APC2: variants seen among roughly 807,000 people sequenced by gnomAD.
APC2 encodes adenomatous polyposis coli protein 2.
In APC2, 41 loss-of-function variants were observed where a neutral mutation model predicts 72.5. The observed-to-expected ratio is 0.57, with a 90% CI of 0.44 to 0.73. The LOEUF is 0.73. APC2 is among the 30% of genes least tolerant of loss of function. The probability of loss-of-function intolerance (pLI) is 0.00; values close to 1 mark genes in which losing one functional copy is unlikely to be tolerated. For synonymous variants in APC2, 1,898 were observed against 1,612.0 expected (o/e 1.18, Z -4.25); for missense variants, 3,729 against 3,403.4 (o/e 1.10, Z -2.38).
intron 1 of APC2, 146 bp downstream of exon 1, chr19:1,450,484 G>C (rs2083730606): frequency 1.5e-6 from 1 of 661,460 alleles, no homozygotes; most frequent in Non-Finnish European, 1.9e-6. Context: ...CTGAGTCCCG[G>C]TGAGCTGGGC....
upstream of APC2, among the ~76,000 whole-genome samples, chr19:1,446,929 G>C (rs1599123430): frequency 2.0e-5 from 3 of 152,350 alleles, no homozygotes; most frequent in Admixed American, 2.0e-4. The surrounding 1 kb of genome is among the most constrained non-coding windows in gnomAD (Gnocchi z 6.1). Context: ...AGGCTGGGGG[G>C]TGCAGCGGGG....
chr19:1,463,214 C>G (rs2083955035), intron 14 of APC2, among the ~76,000 whole-genome samples: 1 of 151,772 alleles, frequency 6.6e-6, no homozygotes. Context: ...GTCAGGAGAT[C>G]CAGACCATCC....
In APC2 at chr19:1,452,857, C is replaced by A; in HGVS notation, c.-18-127C>A. The A allele has an allele frequency of 1.6e-6, 2 of 1,216,166 alleles. No individual in the cohort carries two copies. The highest frequency in any genetic ancestry group is 2.2e-6 in the Non-Finnish European group (2 of 892,834). The allele number at this position is 1,216,166 out of a possible 1,614,324, so 75.3% of individuals were successfully genotyped here. On this transcript the variant is annotated intron_variant, in intron 1 of 14. Coordinates refer to ENST00000590469, the MANE Select transcript of APC2 (RefSeq NM_005883.3). The surrounding 1 kb of genome is among the most constrained non-coding windows in gnomAD (Gnocchi z 5.1). Reference sequence around the variant, plus strand: ...TACTTGTCCACACCAGTGACTCCTGCCTGAGACCCCCCCCAACCCAGGATC... The same window carrying A: ...TACTTGTCCACACCAGTGACTCCTGACTGAGACCCCCCCCAACCCAGGATC...
In APC2 at chr19:1,472,081, T is replaced by G. The variant is rs2084143950; in HGVS notation, c.*1868T>G. 1 of 152,416 alleles carries G rather than the reference T, an allele frequency of 6.6e-6. No homozygotes were observed. The highest frequency in any genetic ancestry group is 1.5e-5 in the Non-Finnish European group (1 of 68,240). The allele number at this position is 152,416 out of a possible 1,614,324, so 9.4% of individuals were successfully genotyped here. ...GGGGGAAGAGGGGGTCATGGATGGC[T>G]GAGCAGAGAGCGGGGAAAATGCAGG... On this transcript the variant is annotated 3_prime_UTR_variant, in exon 15 of 15. Transcript: ENST00000590469.
Position 1,465,338 on chromosome 19 carries a change from G to A in APC2, c.2037G>A (p.Lys679=). The part of the protein sequence containing the change: ...VGMLRNLVHS[K]HKMIAMGSAA... ...TGCTGCGTAATCTGGTGCACTCCAA[G>A]CACAAGATGATCGCCATGGGCAGCG... The change falls in exon 15 of 15, where the codon AAG becomes AAA. Residue 679 remains lysine (K), a synonymous_variant. Coordinates refer to ENST00000590469, the MANE Select transcript of APC2 (RefSeq NM_005883.3). The A allele has an allele frequency of 1.3e-6, 2 of 1,590,892 alleles. No individual in the cohort carries two copies. The highest frequency in any genetic ancestry group is 1.7e-6 in the Non-Finnish European group (2 of 1,174,966).
chr19:1,446,797 C>A (rs2083691826), upstream of APC2, among the ~76,000 whole-genome samples: 1 of 152,090 alleles, frequency 6.6e-6, no homozygotes, highest in African/African-American at 2.4e-5. This position sits in a 1 kb window ranked among gnomAD's most constrained non-coding sequence, Gnocchi z 6.1. Flanking sequence ...GAGCGTATGG[C>A]CTGCTTTGAC....
Position 1,472,885 on chromosome 19 carries a change from G to GC in APC2, c.*2672_*2673insC. 6.6e-6 allele frequency: 1 copy of GC among 152,448 alleles called. No individual in the cohort carries two copies. The highest frequency in any genetic ancestry group is 1.5e-5 in the Non-Finnish European group (1 of 68,108). 9.4% of individuals were successfully genotyped at this position (152,448 alleles called of 1,614,324 possible). A position where few individuals can be genotyped will look rare whatever the true frequency, so the allele number is the denominator to read the frequency against. On this transcript the variant is annotated 3_prime_UTR_variant, in exon 15 of 15. Coordinates refer to ENST00000590469, the MANE Select transcript of APC2 (RefSeq NM_005883.3). ...GTCTGAGGACGCAGGGAGGGTGGAG[G>GC]TGTCCTGAGGCTGATGGACAGTGAC... is the stretch of plus-strand genomic sequence containing the variant.
chr19:1,464,037 G>C (rs2083967321), intron 14 of APC2, among the ~76,000 whole-genome samples: 1 of 152,042 alleles, frequency 6.6e-6, no homozygotes, highest in Non-Finnish European at 1.5e-5. Flanking sequence ...TAGCCAGTGG[G>C]GTGGTGGACG....
At position 1,460,790 on chromosome 19, in the gene APC2, G is replaced by C. The variant is rs748044150; in HGVS notation, c.1454G>C (p.Cys485Ser). Residue 485 changes from cysteine to serine, a missense_variant, in exon 12 of 15, where the codon TGT becomes TCT. Cys to Ser is a moderately radical substitution (Grantham distance 112). Coordinates refer to ENST00000590469, the MANE Select transcript of APC2 (RefSeq NM_005883.3). ...FGDVANKATL[C>S]ARRGCMEAIV... ...CATAACCCCCAACAGGCCACCCTGT[G>C]TGCGCGCCGCGGCTGCATGGAGGCC... 1.2e-6 allele frequency: 2 copies of C among 1,613,086 alleles called. No homozygotes were observed. Among genetic ancestry groups the C allele is most frequent in the South Asian group, 1.1e-5 (1 of 91,064 alleles).
At chr19:1,458,182 A>AGGGACAGACTCCCTGGAGTCACATAG in intron 10 of APC2, 122 bp downstream of exon 10, 1 of 867,154 alleles carries the variant, frequency 1.2e-6, no homozygotes, top group Non-Finnish European at 1.8e-6. Context: ...GAGCCCGGAG[A>AGGGACAGACTCCCTGGAGTCACATAG]GGGACAGACT....
intron 9 of APC2, chr19:1,457,623 A>G (rs1389375278): frequency 4.0e-6 from 2 of 496,280 alleles, no homozygotes; most frequent in African/African-American, 2.0e-5. Context: ...GCTTGAGCCC[A>G]GGAATTTGGG....
chr19:1,466,385 G>A lies in APC2; in HGVS notation c.3084G>A (p.Gln1028=). 2 of 1,590,700 alleles carry A rather than the reference G, an allele frequency of 1.3e-6. No homozygotes were observed. Among genetic ancestry groups the A allele is most frequent in the Admixed American group, 1.7e-5 (1 of 59,318 alleles). ...GAATCTCTCCAGGGGCCCGGAAGCA[G>A]GCCTGGCTGCCGGCAGACCACCTGA... ...GPGISPGARK[Q]AWLPADHLSK... Residue 1028 remains glutamine (Q), a synonymous_variant, in exon 15 of 15, where the codon CAG becomes CAA. Coordinates refer to ENST00000590469, the MANE Select transcript of APC2 (RefSeq NM_005883.3).
chr19:1,455,946 C>A (rs1599136143), intron 6 of APC2, 130 bp from the exon 7 acceptor site: 2 of 949,934 alleles, frequency 2.1e-6, no homozygotes, highest in Non-Finnish European at 1.6e-6. Flanking sequence ...GAGGTAGGGT[C>A]AGGGCCTGGG....
At chr19:1,460,137 C>T in intron 10 of APC2, 44 bp from the exon 11 acceptor site, 1 of 1,611,034 alleles carries the variant, frequency 6.2e-7, no homozygotes, top group Non-Finnish European at 8.5e-7. Context: ...GGGCAGCAGG[C>T]AGGGTCATCC....
chr19:1,456,875 TGTC>T lies in APC2; in HGVS notation c.840_842del (p.Leu280_Ser281delinsPhe). 6.3e-7 allele frequency: 1 copy of T among 1,595,620 alleles called. No homozygotes were observed. Among genetic ancestry groups the T allele is most frequent in the Non-Finnish European group, 8.5e-7 (1 of 1,176,700 alleles). The stretch of plus-strand genomic sequence containing the variant: ...CAGGTGGAGGTGGTCTTCTGGCTGT[TGTC>T]CATGTTGGCGACGCGCGACCAGGAG... On this transcript the variant is annotated inframe_deletion, in exon 9 of 15. Coordinates refer to ENST00000590469, the MANE Select transcript of APC2 (RefSeq NM_005883.3).
chr19:1,460,355 TCATC>T (rs749752536), intron 11 of APC2, 35 bp downstream of exon 11: 5 of 1,612,356 alleles, frequency 3.1e-6, no homozygotes, highest in South Asian at 1.1e-5. Context: ...GGCACTTTCC[TCATC>T]CAGTCTTCCA....
intron 10 of APC2, 61 bp from the exon 11 acceptor site, chr19:1,460,120 G>A (rs1430815718): frequency 1.7e-5 from 28 of 1,605,572 alleles, no homozygotes; most frequent in Non-Finnish European, 2.3e-5. Context: ...GAGTGAGGTG[G>A]GGCGCTGGGC....
chr19:1,465,899 C>G lies in APC2; in HGVS notation c.2598C>G (p.Thr866=), dbSNP rs1009756702. 3 of 1,577,362 alleles carry G rather than the reference C, an allele frequency of 1.9e-6. No individual in the cohort carries two copies. Among genetic ancestry groups the G allele is most frequent in the African/African-American group, 2.7e-5 (2 of 72,898 alleles). The change falls in exon 15 of 15, where the codon ACC becomes ACG. Residue 866 remains threonine (T), a synonymous_variant. Transcript: ENST00000590469. ...TGGAGGACATCTCCGCCCTGCACACCTCGTCCGACGATAGCTTCAGCCTCA... is the reference window on the plus strand; with the variant it reads ...TGGAGGACATCTCCGCCCTGCACACGTCGTCCGACGATAGCTTCAGCCTCA... ...QLVEDISALH[T]SSDDSFSLSS...
In APC2 at chr19:1,455,157, T is replaced by A; in HGVS notation, c.422T>A (p.Leu141Gln). Residue 141 changes from leucine (L) to glutamine (Q), a missense_variant, in exon 5 of 15, where the codon CTG (leucine) becomes CAG (glutamine). Coordinates refer to ENST00000590469, the MANE Select transcript of APC2 (RefSeq NM_005883.3). ...GCTGACTTGCTCCCCAGGTGTTTCC[T>A]GCTGAATGAGATTGAGAAGGAGGAG... ...LEELDRERCFLLNEIEKEEKE... is the reference protein window; with the variant it reads ...LEELDRERCFQLNEIEKEEKE... 2 of 1,575,604 alleles carry A rather than the reference T, an allele frequency of 1.3e-6. No individual in the cohort carries two copies. The highest frequency in any genetic ancestry group is 1.7e-6 in the Non-Finnish European group (2 of 1,169,406).
Sources: gnomAD v4.1 joint callset for allele counts (sites outside exome capture counted in the v4.1 genomes callset) on GRCh38, gnomAD v4.1.1 for gene constraint, Gnocchi (gnomAD v3.1) non-coding constraint, MANE v1.5 for transcripts, NCBI Gene and HGNC (gene_info 2026-07-23, HGNC 2026-07-21) for gene names.